The following ATAD2B variants were observed in gnomAD, a reference collection of about 807,000 sequenced individuals.
ATAD2B encodes ATPase family AAA domain containing 2B, also known as ATPase family AAA domain-containing protein 2B.
ATAD2B carries 40 observed loss-of-function variants against 167.6 expected under a neutral mutation model. The observed-to-expected ratio is 0.24, with a 90% CI of 0.19 to 0.31. The LOEUF (loss-of-function observed/expected upper bound fraction) is 0.31. Among genes scored for constraint, ATAD2B ranks in the 10% least tolerant of loss-of-function variants. The pLI, the probability that ATAD2B is intolerant of heterozygous loss-of-function variation, is 1.00. For missense variants in ATAD2B, 1,242 were observed against 1,757.2 expected (o/e 0.71, Z 5.24); for synonymous variants, 579 against 596.5 (o/e 0.97, Z 0.43).
chr2:23,799,003 T>C (rs1683040151), intron 18 of ATAD2B, among the ~76,000 whole-genome samples: 2 of 152,194 alleles, frequency 1.3e-5, no homozygotes, highest in Admixed American at 1.3e-4. Context: ...GTCTTAACCA[T>C]AGTTTCAATC....
At chr2:23,706,859 G>T in the ATAD2B span, 23 of 506,100 alleles carry the variant, frequency 4.5e-5, no homozygotes, top group African/African-American at 3.9e-4. Flanking sequence ...GAGGCACCGC[G>T]CTTGGAGCCG....
chr2:23,768,742 A>C (rs1459629835), intron 22 of ATAD2B, among the ~76,000 whole-genome samples: 1 of 152,212 alleles, frequency 6.6e-6, no homozygotes, highest in Admixed American at 6.5e-5. Context: ...ATACGAGTGG[A>C]ATCACAAAGA....
At chr2:23,686,698 G>A in the ATAD2B span, among the ~76,000 whole-genome samples, 2 of 152,184 alleles carry the variant, frequency 1.3e-5, no homozygotes, top group Admixed American at 6.5e-5. Flanking sequence ...AAGCTGAGCA[G>A]CCTGACGGAC....
intron 19 of ATAD2B, among the ~76,000 whole-genome samples, chr2:23,794,138 T>C (rs1682240122): frequency 6.6e-6 from 1 of 152,190 alleles, no homozygotes; most frequent in Non-Finnish European, 1.5e-5. Context: ...GCCTCCTGAA[T>C]AGCTGGGACT....
At chr2:23,706,641 A>C in the ATAD2B span, 1 of 1,532,346 alleles carries the variant, frequency 6.5e-7, no homozygotes. Flanking sequence ...CGTCGTGATA[A>C]AGAAATATAT....
intron 7 of ATAD2B, among the ~76,000 whole-genome samples, chr2:23,878,039 A>T (rs1697274004): frequency 1.4e-5 from 2 of 138,342 alleles, no homozygotes; most frequent in Non-Finnish European, 1.6e-5. Flanking sequence ...AAAAAAAAAA[A>T]GCAAAATGTA....
intron 1 of ATAD2B, among the ~76,000 whole-genome samples, chr2:23,903,753 A>C (rs2150439349): frequency 6.6e-6 from 1 of 152,364 alleles, no homozygotes; most frequent in South Asian, 2.1e-4. Flanking sequence ...AAAATGAGAG[A>C]TGCATGGAAC....
At chr2:23,867,720 G>A (rs554145929) in intron 10 of ATAD2B, 115 bp downstream of exon 10, 14 of 699,054 alleles carry the variant, frequency 2.0e-5, no homozygotes, top group South Asian at 1.3e-4. Flanking sequence ...CATATACATC[G>A]AAACATTAAC....
At chr2:23,816,209 A>G (rs1686425568) in intron 17 of ATAD2B, among the ~76,000 whole-genome samples, 1 of 152,232 alleles carries the variant, frequency 6.6e-6, no homozygotes, top group Admixed American at 6.5e-5. Context: ...AGAAATGTAA[A>G]CTAGTACAAG....
intron 13 of ATAD2B, among the ~76,000 whole-genome samples, chr2:23,855,610 G>T (rs535701890): frequency 4.6e-5 from 7 of 152,308 alleles, no homozygotes; most frequent in African/African-American, 9.6e-5. Flanking sequence ...CAACAGAAAA[G>T]AAAACATGTC....
intron 8 of ATAD2B, chr2:23,872,291 G>T: frequency 2.0e-6 from 1 of 512,212 alleles, no homozygotes; most frequent in East Asian, 4.6e-5. Flanking sequence ...ACGGCTTTAC[G>T]CACAGTCTCT....
intron 5 of ATAD2B, among the ~76,000 whole-genome samples, chr2:23,885,187 C>A (rs1218701961): frequency 1.3e-5 from 2 of 152,080 alleles, no homozygotes; most frequent in Non-Finnish European, 2.9e-5. Flanking sequence ...AGTTAAATGT[C>A]ATAAAGAGAG....
downstream of ATAD2B, among the ~76,000 whole-genome samples, chr2:23,745,352 G>GGAAA (rs1674780146): frequency 8.4e-6 from 1 of 119,318 alleles, no homozygotes; most frequent in Non-Finnish European, 1.7e-5. Flanking sequence ...AGAGAGGGAT[G>GGAAA]GAAGGAAGGA....
chr2:23,701,549 C>T, the ATAD2B span, among the ~76,000 whole-genome samples: 14 of 152,216 alleles, frequency 9.2e-5, no homozygotes, highest in Non-Finnish European at 1.8e-4. Context: ...CTCATCTCTA[C>T]GACAAATCAA....
the ATAD2B span, among the ~76,000 whole-genome samples, chr2:23,692,539 G>C: frequency 7.6e-4 from 116 of 152,218 alleles, no homozygotes; most frequent in Non-Finnish European, 1.3e-3. Flanking sequence ...AGATGGGGCA[G>C]ATCCGTGAGG....
chr2:23,878,026 A>AAAAAAAAAAAAG (rs1697257129), intron 7 of ATAD2B, among the ~76,000 whole-genome samples: 1 of 129,232 alleles, frequency 7.7e-6, no homozygotes, highest in Admixed American at 8.5e-5. Flanking sequence ...AAAAAAAAAA[A>AAAAAAAAAAAAG]AAAAAAAAAA....
At chr2:23,767,653 A>C (rs1379972599) in intron 22 of ATAD2B, among the ~76,000 whole-genome samples, 1 of 152,190 alleles carries the variant, frequency 6.6e-6, no homozygotes, top group Non-Finnish European at 1.5e-5. Flanking sequence ...GAGGGGAGTC[A>C]AGAATAACAC....
chr2:23,913,569 G>A (rs995503516), intron 1 of ATAD2B, among the ~76,000 whole-genome samples: 3 of 151,798 alleles, frequency 2.0e-5, no homozygotes, highest in Non-Finnish European at 4.4e-5. Context: ...TAACCTGGGA[G>A]GTGGAGGCTG....
chr2:23,690,455 T>C, the ATAD2B span: 1 of 152,202 alleles, frequency 6.6e-6, no homozygotes. Context: ...GCCTGCTCGC[T>C]TGCTGGACAC....
Sources: gnomAD v4.1 joint callset for allele counts (sites outside exome capture counted in the v4.1 genomes callset) on GRCh38, gnomAD v4.1.1 for gene constraint, MANE v1.5 for transcripts, NCBI Gene and HGNC (gene_info 2026-07-23, HGNC 2026-07-21) for gene names.